GLRA2: variants seen among roughly 807,000 people sequenced by gnomAD.
GLRA2 encodes the protein glycine receptor subunit alpha-2.
A neutral mutation model predicts 31.6 loss-of-function variants in GLRA2; 11 were observed. The observed-to-expected ratio is 0.35, with a 90% CI of 0.22 to 0.58. The LOEUF is 0.58. Among genes scored for constraint, GLRA2 ranks in the 20% least tolerant of loss-of-function variants. GLRA2 has a pLI of 0.84. For synonymous variants in GLRA2, 132 were observed against 134.0 expected (o/e 0.99, Z 0.10); for missense variants, 212 against 351.8 (o/e 0.60, Z 3.18).
chrX:14,582,595 A>G (rs1288569611), intron 4 of GLRA2, among the ~76,000 whole-genome samples: 1 of 111,531 alleles, frequency 9.0e-6, no homozygotes, highest in Admixed American at 9.6e-5. Context: ...GCATAAAAAC[A>G]TGGATTTCTG....
chrX:14,485,189 A>ACC, the GLRA2 span, among the ~76,000 whole-genome samples: 3 of 112,193 alleles, frequency 2.7e-5, no homozygotes, highest in African/African-American at 9.7e-5. Context: ...ATAACTCAGA[A>ACC]TCATCACTTG....
upstream of GLRA2, among the ~76,000 whole-genome samples, chrX:14,527,767 C>T (rs1601679076): frequency 1.8e-5 from 2 of 111,391 alleles, no homozygotes; most frequent in South Asian, 7.5e-4. Context: ...GCTATTTTTC[C>T]ATGTAGAACC....
intron 2 of GLRA2, among the ~76,000 whole-genome samples, chrX:14,533,506 C>G (rs2089284217): frequency 9.4e-6 from 1 of 105,883 alleles, no homozygotes; most frequent in South Asian, 4.1e-4. Flanking sequence ...GAACTACATT[C>G]AGAGATAAAT....
chrX:14,602,186 C>T (rs992959144), intron 4 of GLRA2, among the ~76,000 whole-genome samples: 1 of 110,941 alleles, frequency 9.0e-6, no homozygotes, highest in Non-Finnish European at 1.9e-5. Context: ...GCATCATTCC[C>T]TTAAGGATTA....
At chrX:14,651,590 T>C (rs1480959740) in intron 7 of GLRA2, among the ~76,000 whole-genome samples, 3 of 111,477 alleles carry the variant, frequency 2.7e-5, no homozygotes, top group Non-Finnish European at 5.6e-5. Flanking sequence ...TAACATGCTG[T>C]ACAAGTTTGT....
chrX:14,464,457 T>A, the GLRA2 span, among the ~76,000 whole-genome samples: 1 of 112,462 alleles, frequency 8.9e-6, no homozygotes, highest in African/African-American at 3.2e-5. Flanking sequence ...CCAATGAATA[T>A]TCTTGGTGCC....
At chrX:14,585,593 G>T (rs988795925) in intron 4 of GLRA2, among the ~76,000 whole-genome samples, 1 of 111,381 alleles carries the variant, frequency 9.0e-6, no homozygotes, top group Non-Finnish European at 1.9e-5. Context: ...GTGCTGAAAA[G>T]TTCCTGCTGA....
the GLRA2 span, among the ~76,000 whole-genome samples, chrX:14,458,747 A>G: frequency 9.0e-6 from 1 of 111,099 alleles, no homozygotes; most frequent in Middle Eastern, 4.6e-3. Context: ...AATTTGTTTG[A>G]GTTCATTGTA....
chrX:14,619,529 C>A (rs1037192498), intron 7 of GLRA2, among the ~76,000 whole-genome samples: 6 of 109,907 alleles, frequency 5.5e-5, no homozygotes, highest in African/African-American at 1.6e-4. Flanking sequence ...TGATTGTTTT[C>A]TGTGACTGGA....
intron 2 of GLRA2, among the ~76,000 whole-genome samples, chrX:14,535,218 A>G (rs1242766731): frequency 8.9e-6 from 1 of 112,277 alleles, no homozygotes; most frequent in Non-Finnish European, 1.9e-5. Flanking sequence ...CTTATTAAAT[A>G]TTAGCATATT....
At chrX:14,560,229 C>T (rs1224751897) in intron 2 of GLRA2, among the ~76,000 whole-genome samples, 1 of 112,546 alleles carries the variant, frequency 8.9e-6, no homozygotes, top group Non-Finnish European at 1.9e-5. Flanking sequence ...AAGGGCCACA[C>T]ATTAAAACAA....
intron 8 of GLRA2, among the ~76,000 whole-genome samples, chrX:14,709,265 C>A (rs1233470633): frequency 9.0e-6 from 1 of 111,093 alleles, no homozygotes; most frequent in East Asian, 2.8e-4. Flanking sequence ...GCTACAGACC[C>A]CCCATCATGT....
chrX:14,685,735 C>G (rs1447193971), intron 7 of GLRA2, among the ~76,000 whole-genome samples: 3 of 111,378 alleles, frequency 2.7e-5, no homozygotes, highest in Non-Finnish European at 5.7e-5. Flanking sequence ...AGTGGTCTAT[C>G]AATTTTGTTG....
intron 4 of GLRA2, among the ~76,000 whole-genome samples, chrX:14,593,451 A>G (rs2090166243): frequency 8.9e-6 from 1 of 112,415 alleles, no homozygotes; most frequent in South Asian, 3.7e-4. Flanking sequence ...TGACAATAAA[A>G]TAAAGGTTTT....
intron 8 of GLRA2, among the ~76,000 whole-genome samples, chrX:14,716,477 G>A (rs996472438): frequency 7.2e-5 from 8 of 111,723 alleles, no homozygotes; most frequent in Non-Finnish European, 1.5e-4. Context: ...TTGATCCAGA[G>A]GCTGCAGAAA....
chrX:14,697,417 G>C (rs2147199958), intron 8 of GLRA2, among the ~76,000 whole-genome samples: 1 of 111,961 alleles, frequency 8.9e-6, no homozygotes, highest in Non-Finnish European at 1.9e-5. Context: ...CCGGTATAGG[G>C]GTATGCATGT....
intron 7 of GLRA2, among the ~76,000 whole-genome samples, chrX:14,668,152 G>A (rs906629334): frequency 8.9e-6 from 1 of 111,996 alleles, no homozygotes; most frequent in African/African-American, 3.2e-5. Flanking sequence ...GCTCTTCACT[G>A]GCTATTGGCT....
chrX:14,513,929 GA>G, the GLRA2 span, among the ~76,000 whole-genome samples: 34 of 111,265 alleles, frequency 3.1e-4, no homozygotes, highest in African/African-American at 8.8e-4. Flanking sequence ...CTACCCAGAG[GA>G]AAAAAAAGTT....
chrX:14,674,747 T>G (rs1374106183), intron 7 of GLRA2, among the ~76,000 whole-genome samples: 1 of 110,521 alleles, frequency 9.0e-6, no homozygotes, highest in Non-Finnish European at 1.9e-5. Context: ...TTCTCTTCTC[T>G]TTCTTTCTCC....
Sources: allele counts gnomAD v4.1 joint callset (sites outside exome capture counted in the v4.1 genomes callset), GRCh38; gene constraint gnomAD v4.1.1; transcripts MANE v1.5; gene names NCBI Gene and HGNC (gene_info 2026-07-23, HGNC 2026-07-21).